The following MCTP1 variants were observed in gnomAD, a reference collection of about 807,000 sequenced individuals.
MCTP1 encodes multiple C2 and transmembrane domain containing 1, also known as multiple C2 and transmembrane domain-containing protein 1.
MCTP1 carries 69 observed loss-of-function variants against 120.6 expected under a neutral mutation model. That is an observed-to-expected ratio of 0.57 (90% confidence interval 0.47 to 0.70). The LOEUF (loss-of-function observed/expected upper bound fraction) is 0.70. Among genes scored for constraint, MCTP1 ranks in the 30% least tolerant of loss-of-function variants. The pLI is 0.00. For missense variants in MCTP1, 1,203 were observed against 1,248.8 expected, an observed-to-expected ratio of 0.96 and a Z score of 0.55; for synonymous variants, 529 against 493.1, an observed-to-expected ratio of 1.07 and a Z score of -0.96.
intron 17 of MCTP1, among the ~76,000 whole-genome samples, chr5:94,834,471 G>A (rs1214162263): frequency 6.6e-6 from 1 of 152,172 alleles, no homozygotes; most frequent in Admixed American, 6.5e-5. Flanking sequence ...AGCTACAACT[G>A]CGTTTTATCA....
At chr5:95,279,045 A>T (rs1319450217) in intron 1 of MCTP1, among the ~76,000 whole-genome samples, 2 of 152,164 alleles carry the variant, frequency 1.3e-5, no homozygotes, top group African/African-American at 4.8e-5. Context: ...ACCAAGAAGA[A>T]AAAATATATA....
chr5:95,238,180 T>C (rs1755764200), intron 1 of MCTP1, among the ~76,000 whole-genome samples: 1 of 152,172 alleles, frequency 6.6e-6, no homozygotes. Context: ...CCGGTCTCCT[T>C]GGGCAGTTCT....
chr5:94,961,985 C>T (rs1824346143), intron 2 of MCTP1, among the ~76,000 whole-genome samples: 1 of 152,116 alleles, frequency 6.6e-6, no homozygotes, highest in Non-Finnish European at 1.5e-5. Context: ...TTCTCCCGCT[C>T]TGTGGGTTGA....
intron 1 of MCTP1, among the ~76,000 whole-genome samples, chr5:95,177,156 T>C (rs1748090499): frequency 6.6e-6 from 1 of 151,236 alleles, no homozygotes. Context: ...TTTTTATATC[T>C]ATATTTATAT....
chr5:95,195,202 T>C (rs114507079), intron 1 of MCTP1, among the ~76,000 whole-genome samples: 1 of 152,244 alleles, frequency 6.6e-6, no homozygotes, highest in African/African-American at 2.4e-5. Context: ...GCTTATGATG[T>C]TTCCAGGAAA....
At chr5:95,266,282 T>C (rs1034471791) in intron 1 of MCTP1, among the ~76,000 whole-genome samples, 1 of 152,222 alleles carries the variant, frequency 6.6e-6, no homozygotes, top group Non-Finnish European at 1.5e-5. Context: ...CTAATTTTCA[T>C]AAGAATTGTT....
chr5:95,139,499 C>A (rs984579628), intron 1 of MCTP1, among the ~76,000 whole-genome samples: 3 of 152,164 alleles, frequency 2.0e-5, no homozygotes, highest in African/African-American at 7.2e-5. Context: ...AAGAGAGCTT[C>A]TTTTTTTACA....
At chr5:94,880,815 G>A (rs751219417) in intron 12 of MCTP1, among the ~76,000 whole-genome samples, 3 of 152,064 alleles carry the variant, frequency 2.0e-5, no homozygotes, top group Admixed American at 1.3e-4. Flanking sequence ...GTTTCTTCAC[G>A]TCATGTATAA....
intron 1 of MCTP1, among the ~76,000 whole-genome samples, chr5:95,061,584 C>T (rs1030183313): frequency 2.7e-5 from 4 of 150,552 alleles, no homozygotes; most frequent in African/African-American, 7.3e-5. Flanking sequence ...TACAGGCGCC[C>T]GCCACTACGC....
intron 1 of MCTP1, among the ~76,000 whole-genome samples, chr5:95,022,031 C>A (rs978137199): frequency 6.6e-6 from 1 of 152,076 alleles, no homozygotes; most frequent in African/African-American, 2.4e-5. Context: ...AACATTGAAT[C>A]ATCTTCATAT....
intron 1 of MCTP1, among the ~76,000 whole-genome samples, chr5:95,166,680 G>C (rs1746419376): frequency 6.8e-6 from 1 of 148,106 alleles, no homozygotes; most frequent in East Asian, 2.0e-4. Context: ...CCATTCTCCT[G>C]CCTCACCCTC....
intron 17 of MCTP1, among the ~76,000 whole-genome samples, chr5:94,830,396 T>G (rs1788237729): frequency 6.6e-6 from 1 of 152,228 alleles, no homozygotes; most frequent in Admixed American, 6.5e-5. Context: ...TCCCTGCTTT[T>G]ACTTCCAAAT....
intron 17 of MCTP1, among the ~76,000 whole-genome samples, chr5:94,860,988 T>C (rs539985373): frequency 5.3e-5 from 8 of 151,844 alleles, no homozygotes; most frequent in Non-Finnish European, 1.0e-4. Flanking sequence ...ATTTATCAAA[T>C]CCAAATATCT....
chr5:95,046,030 C>T (rs1843076405), intron 1 of MCTP1, among the ~76,000 whole-genome samples: 2 of 152,116 alleles, frequency 1.3e-5, no homozygotes, highest in Admixed American at 1.3e-4. Context: ...GTGCTTATAA[C>T]AGTGTCAAGG....
chr5:95,235,085 A>G (rs1367509683), intron 1 of MCTP1, among the ~76,000 whole-genome samples: 1 of 152,024 alleles, frequency 6.6e-6, no homozygotes, highest in Non-Finnish European at 1.5e-5. Flanking sequence ...AAATTTTAGC[A>G]ATATATAAAC....
chr5:95,071,262 G>A (rs1356121715), intron 1 of MCTP1, among the ~76,000 whole-genome samples: 1 of 152,226 alleles, frequency 6.6e-6, no homozygotes, highest in South Asian at 2.1e-4. Context: ...GCGTCTGTCT[G>A]AGGTACCCGC....
intron 2 of MCTP1, among the ~76,000 whole-genome samples, chr5:94,975,666 C>T (rs144777616): frequency 1.3e-5 from 2 of 152,046 alleles, no homozygotes; most frequent in East Asian, 3.9e-4. Flanking sequence ...ACAGACATCC[C>T]ATCTATAGAA....
intron 10 of MCTP1, 130 bp downstream of exon 10, chr5:94,909,121 C>T (rs1327316487): frequency 9.2e-7 from 1 of 1,091,932 alleles, no homozygotes; most frequent in East Asian, 2.9e-5. Flanking sequence ...TTCATCCAAG[C>T]ATTGCCTTAC....
intron 6 of MCTP1, 42 bp downstream of exon 6, chr5:94,931,911 T>C: frequency 6.7e-7 from 1 of 1,498,996 alleles, no homozygotes; most frequent in Non-Finnish European, 9.3e-7. Context: ...ATGATAGTTC[T>C]GCTCAACAAG....
Sources: allele counts gnomAD v4.1 joint callset (sites outside exome capture counted in the v4.1 genomes callset), GRCh38; gene constraint gnomAD v4.1.1; transcripts MANE v1.5; gene names NCBI Gene and HGNC (gene_info 2026-07-23, HGNC 2026-07-21).